RYR3: variants seen among roughly 807,000 people sequenced by gnomAD.
The protein encoded by RYR3 is brain ryanodine receptor-calcium release channel.
Under a neutral mutation model 584.3 loss-of-function variants are expected in RYR3, and 207 were observed. The ratio of observed to expected loss-of-function variants is 0.35; its 90% CI spans 0.32 to 0.40. RYR3 has a LOEUF of 0.40. RYR3 is among the 10% of genes least tolerant of loss of function. The pLI is 1.00. For missense variants in RYR3, 5,616 were observed against 6,089.2 expected (o/e 0.92, Z 2.59); for synonymous variants, 2,416 against 2,248.5 (o/e 1.07, Z -2.11).
intron 1 of RYR3, among the ~76,000 whole-genome samples, chr15:33,345,057 T>C (rs1972277180): frequency 1.3e-5 from 2 of 152,204 alleles, no homozygotes; most frequent in South Asian, 4.1e-4. Flanking sequence ...AGAACTCAGG[T>C]TGTCTCGTTT....
chr15:33,607,589 A>G (rs2059970216), intron 18 of RYR3, among the ~76,000 whole-genome samples: 1 of 152,192 alleles, frequency 6.6e-6, no homozygotes, highest in African/African-American at 2.4e-5. Flanking sequence ...TGGTTGTTCT[A>G]AAAGGGTCAA....
chr15:33,729,181 C>A (rs1253175371), intron 47 of RYR3, among the ~76,000 whole-genome samples, 155 bp downstream of exon 47: 1 of 152,136 alleles, frequency 6.6e-6, no homozygotes, highest in Non-Finnish European at 1.5e-5. Flanking sequence ...AATGGAAGAT[C>A]TTAATTTATT....
At chr15:33,566,656 C>G in intron 11 of RYR3, 22 bp from the exon 12 acceptor site, 1 of 1,613,254 alleles carries the variant, frequency 6.2e-7, no homozygotes, top group Non-Finnish European at 8.5e-7. Context: ...CCTAGAGCTC[C>G]CGTCCCTTGC....
chr15:33,699,571 GA>G (rs1030941350), intron 40 of RYR3, 132 bp from the exon 41 acceptor site: 23 of 733,282 alleles, frequency 3.1e-5, no homozygotes, highest in Non-Finnish European at 4.3e-5. Context: ...TAAGTCTTGA[GA>G]AAAAAAATGG....
At chr15:33,852,777 C>T in intron 94 of RYR3, 1 of 372,182 alleles carries the variant, frequency 2.7e-6, no homozygotes, top group Non-Finnish European at 5.0e-6. Flanking sequence ...TCTGTCATCA[C>T]AATTCTTGGC....
intron 47 of RYR3, among the ~76,000 whole-genome samples, chr15:33,730,324 C>T (rs2068839824): frequency 6.6e-6 from 1 of 152,022 alleles, no homozygotes. Flanking sequence ...TGTCCAAACA[C>T]CATCTACAAC....
chr15:33,409,187 A>G (rs1410252054), intron 1 of RYR3, among the ~76,000 whole-genome samples: 1 of 152,138 alleles, frequency 6.6e-6, no homozygotes, highest in Non-Finnish European at 1.5e-5. Flanking sequence ...GTACTCGGAG[A>G]TAAGAAATAG....
chr15:33,485,436 G>C (rs548630279), intron 2 of RYR3, among the ~76,000 whole-genome samples: 1 of 152,316 alleles, frequency 6.6e-6, no homozygotes, highest in Admixed American at 6.5e-5. Flanking sequence ...GAAAAGAGAA[G>C]AGAGGAGATA....
chr15:33,690,835 C>T (rs1328931127), intron 38 of RYR3, among the ~76,000 whole-genome samples: 9 of 151,956 alleles, frequency 5.9e-5, no homozygotes, highest in Admixed American at 2.6e-4. Context: ...TTAAAATTGA[C>T]AAATATTTAA....
chr15:33,514,520 A>G (rs1469508936), intron 3 of RYR3, among the ~76,000 whole-genome samples: 1 of 152,060 alleles, frequency 6.6e-6, no homozygotes, highest in African/African-American at 2.4e-5. Flanking sequence ...GGGTGGGGCC[A>G]GAGGTGGAAA....
intron 1 of RYR3, among the ~76,000 whole-genome samples, chr15:33,354,246 A>C (rs1232145559): frequency 1.3e-5 from 2 of 152,326 alleles, no homozygotes; most frequent in Non-Finnish European, 2.9e-5. Context: ...AGCATCTACC[A>C]AGAAACCACT....
chr15:33,561,952 G>GTTT (rs1194610182), intron 10 of RYR3, among the ~76,000 whole-genome samples: 2 of 151,948 alleles, frequency 1.3e-5, no homozygotes, highest in African/African-American at 2.4e-5. Flanking sequence ...GGCAACAGCC[G>GTTT]TTTTTTATTC....
intron 20 of RYR3, 76 bp from the exon 21 acceptor site, chr15:33,628,394 TG>T (rs976086513): frequency 1.2e-5 from 12 of 989,512 alleles, no homozygotes; most frequent in Non-Finnish European, 1.6e-5. Flanking sequence ...CCAATTCAAG[TG>T]GGGTGCCCAG....
At chr15:33,636,828 C>T (rs911301911) in intron 27 of RYR3, among the ~76,000 whole-genome samples, 1 of 152,306 alleles carries the variant, frequency 6.6e-6, no homozygotes, top group South Asian at 2.1e-4. Flanking sequence ...TTTTAAGATT[C>T]TCCAGGTTTC....
At chr15:33,725,190 C>CACACACACATATAT (rs2068282616) in intron 45 of RYR3, among the ~76,000 whole-genome samples, 1 of 147,616 alleles carries the variant, frequency 6.8e-6, no homozygotes, top group Non-Finnish European at 1.5e-5. Flanking sequence ...CACACACACA[C>CACACACACATATAT]ACACACACAC....
At chr15:33,644,617 T>G (rs2061997171) in intron 28 of RYR3, 98 bp downstream of exon 28, 6 of 881,578 alleles carry the variant, frequency 6.8e-6, no homozygotes, top group Non-Finnish European at 1.1e-5. Flanking sequence ...CTTACCTAAG[T>G]CTATGCCCTG....
intron 1 of RYR3, among the ~76,000 whole-genome samples, chr15:33,383,730 G>A (rs374575500): frequency 1.3e-4 from 20 of 152,140 alleles, no homozygotes; most frequent in African/African-American, 4.1e-4. Context: ...GTCCCCAGGG[G>A]CTACCATTTG....
At chr15:33,322,868 C>T (rs1382626200) in intron 1 of RYR3, among the ~76,000 whole-genome samples, 6 of 151,708 alleles carry the variant, frequency 4.0e-5, no homozygotes, top group Admixed American at 2.0e-4. Context: ...AGAATTCACA[C>T]TCTTGTCTAC....
At chr15:33,804,924 C>T (rs566176267) in intron 69 of RYR3, among the ~76,000 whole-genome samples, 12 of 152,248 alleles carry the variant, frequency 7.9e-5, no homozygotes, top group South Asian at 2.1e-4. Flanking sequence ...CCACATATGC[C>T]GTTGCGAATG....
Sources: allele counts gnomAD v4.1 joint callset (sites outside exome capture counted in the v4.1 genomes callset), GRCh38; gene constraint gnomAD v4.1.1; transcripts MANE v1.5; gene names NCBI Gene and HGNC (gene_info 2026-07-23, HGNC 2026-07-21).